RBFOX2: variants seen among roughly 807,000 people sequenced by gnomAD.
RBFOX2 encodes the protein RNA binding fox-1 homolog 2.
A neutral mutation model predicts 49.1 loss-of-function variants in RBFOX2; 10 were observed. The ratio of observed to expected loss-of-function variants is 0.20; its 90% CI spans 0.13 to 0.35. RBFOX2 has a LOEUF of 0.35. Among genes scored for constraint, RBFOX2 ranks in the 10% least tolerant of loss-of-function variants. The probability of loss-of-function intolerance (pLI) is 1.00; values close to 1 mark genes in which losing one functional copy is unlikely to be tolerated. For synonymous variants in RBFOX2, 183 were observed against 187.4 expected (o/e 0.98, Z 0.19); for missense variants, 323 against 486.9 (o/e 0.66, Z 3.17).
intron 2 of RBFOX2, among the ~76,000 whole-genome samples, chr22:35,790,685 C>T (rs1239805737): frequency 6.6e-6 from 1 of 152,138 alleles, no homozygotes; most frequent in East Asian, 1.9e-4. Flanking sequence ...AAATCTTCTG[C>T]ATATTTTTGC....
chr22:35,937,451 T>G (rs1270686126), intron 1 of RBFOX2, among the ~76,000 whole-genome samples: 1 of 152,204 alleles, frequency 6.6e-6, no homozygotes, highest in Admixed American at 6.5e-5. Flanking sequence ...ATGCCTTATC[T>G]GGGGCCACTC....
At chr22:36,006,774 T>C (rs2146314621) in intron 1 of RBFOX2, among the ~76,000 whole-genome samples, 1 of 152,230 alleles carries the variant, frequency 6.6e-6, no homozygotes, top group South Asian at 2.1e-4. Flanking sequence ...GCTTATCCAC[T>C]CAATACGCAG....
At chr22:35,974,649 T>A (rs1250245008) in intron 1 of RBFOX2, among the ~76,000 whole-genome samples, 2 of 152,108 alleles carry the variant, frequency 1.3e-5, no homozygotes, top group African/African-American at 2.4e-5. Context: ...ATCGCACCAC[T>A]GCACTCCAAC....
At chr22:35,983,138 G>A (rs1466136945) in intron 1 of RBFOX2, among the ~76,000 whole-genome samples, 1 of 152,158 alleles carries the variant, frequency 6.6e-6, no homozygotes. Context: ...GACTTCACCT[G>A]GGTGATGAAT....
In RBFOX2 at chr22:35,761,194, C is replaced by T. The variant is rs1313620025; in HGVS notation, c.754+8G>A. The stretch of plus-strand genomic sequence containing the variant: ...AAAATCCATGCCAGGCCAACATAGG[C>T]TACTTACTGATTAAAGGAATGTAAG... On this transcript the variant is annotated splice_region_variant and intron_variant, in intron 8 of 11. Transcript: ENST00000405409. The T allele has an allele frequency of 6.2e-7, 1 of 1,610,208 alleles. No homozygotes were observed. The highest frequency in any genetic ancestry group is 8.5e-7 in the Non-Finnish European group (1 of 1,176,688).
chr22:35,869,678 T>C (rs2044131358), intron 1 of RBFOX2, among the ~76,000 whole-genome samples: 5 of 152,154 alleles, frequency 3.3e-5, no homozygotes. Flanking sequence ...GGAGAAAATC[T>C]TGGGTCAAGA....
At chr22:35,937,758 T>C (rs1484836437) in intron 1 of RBFOX2, among the ~76,000 whole-genome samples, 1 of 152,096 alleles carries the variant, frequency 6.6e-6, no homozygotes, top group East Asian at 1.9e-4. Context: ...ACCCAGCTAA[T>C]TTTTGTATTT....
intron 1 of RBFOX2, among the ~76,000 whole-genome samples, chr22:35,875,093 T>A (rs1220066712): frequency 6.6e-6 from 1 of 152,146 alleles, no homozygotes; most frequent in Non-Finnish European, 1.5e-5. Context: ...AGAGGAGGCT[T>A]CAGAATGAAA....
At chr22:35,791,782 T>A (rs1947718106) in intron 2 of RBFOX2, among the ~76,000 whole-genome samples, 1 of 152,184 alleles carries the variant, frequency 6.6e-6, no homozygotes, top group Non-Finnish European at 1.5e-5. Flanking sequence ...CTGGTTGGGC[T>A]CCATTTATTT....
intron 1 of RBFOX2, among the ~76,000 whole-genome samples, chr22:35,864,263 G>A (rs540397816): frequency 6.6e-6 from 1 of 152,224 alleles, no homozygotes; most frequent in Admixed American, 6.5e-5. Flanking sequence ...AGGAATCTGA[G>A]TAATTAAGTC....
At chr22:35,896,439 C>A (rs1166511857) in intron 1 of RBFOX2, among the ~76,000 whole-genome samples, 1 of 152,110 alleles carries the variant, frequency 6.6e-6, no homozygotes, top group Non-Finnish European at 1.5e-5. Flanking sequence ...GTTTTGGCTC[C>A]CCCTCAGACA....
chr22:35,844,075 T>C (rs545531237), upstream of RBFOX2, among the ~76,000 whole-genome samples: 5 of 152,342 alleles, frequency 3.3e-5, no homozygotes, highest in African/African-American at 4.8e-5. Context: ...ATATGGGTTA[T>C]TCATCCTTCA....
At chr22:35,809,464 G>A (rs569212919) in intron 2 of RBFOX2, among the ~76,000 whole-genome samples, 1 of 152,060 alleles carries the variant, frequency 6.6e-6, no homozygotes, top group African/African-American at 2.4e-5. Context: ...GCAGAGAAAG[G>A]ATATAAAATA....
chr22:36,005,602 C>A (rs2058590586), intron 1 of RBFOX2, among the ~76,000 whole-genome samples: 2 of 152,094 alleles, frequency 1.3e-5, no homozygotes, highest in African/African-American at 4.8e-5. Context: ...ATGAAGTGTC[C>A]CATTTTCACC....
intron 1 of RBFOX2, among the ~76,000 whole-genome samples, chr22:36,014,096 G>T (rs948315305): frequency 7.9e-5 from 12 of 151,440 alleles, no homozygotes; most frequent in African/African-American, 2.9e-4. Context: ...GCTGGGGCAT[G>T]GGCAGGATGA....
Position 35,896,279 on chromosome 22 carries a change from T to C in RBFOX2, c.-34+42568A>G, listed in dbSNP as rs1353811120. On this transcript the variant is annotated intron_variant, in intron 1 of 13. Transcript: ENST00000359369. ...GGCTCATCCATTTTTGGCCATGGAG[T>C]CTTTTGCATAGTACCTAGCACACAG... 2.6e-5 allele frequency among the ~76,000 whole-genome samples: 4 copies of C among 152,260 alleles called. 1 individual carries two copies. In the Middle Eastern group the frequency reaches 0.01, roughly 388 times the overall value.
At chr22:35,804,593 T>C (rs1434653728) in intron 2 of RBFOX2, among the ~76,000 whole-genome samples, 1 of 152,094 alleles carries the variant, frequency 6.6e-6, no homozygotes, top group African/African-American at 2.4e-5. Flanking sequence ...GAGTGGTCCA[T>C]GGGATGACAT....
intron 1 of RBFOX2, among the ~76,000 whole-genome samples, chr22:35,810,517 C>T (rs1306769517): frequency 6.6e-6 from 1 of 152,174 alleles, no homozygotes; most frequent in Non-Finnish European, 1.5e-5. Context: ...CACACATGTA[C>T]ACACAAACAC....
chr22:35,830,633 C>T (rs1440052068), intron 1 of RBFOX2, among the ~76,000 whole-genome samples: 1 of 152,120 alleles, frequency 6.6e-6, no homozygotes, highest in East Asian at 1.9e-4. Context: ...ATACTGAATA[C>T]TGTAGGCAAG....
Sources: gnomAD v4.1 joint callset for allele counts (sites outside exome capture counted in the v4.1 genomes callset) on GRCh38, gnomAD v4.1.1 for gene constraint, MANE v1.5 for transcripts, NCBI Gene and HGNC (gene_info 2026-07-23, HGNC 2026-07-21) for gene names.